Variants in COMMD1 observed in about 807,000 individuals in gnomAD.
COMMD1 encodes the protein copper metabolism domain containing 1, also known as COMM domain-containing protein 1.
Under a neutral mutation model 17.2 loss-of-function variants are expected in COMMD1, and 10 were observed. The ratio of observed to expected loss-of-function variants is 0.58; its 90% confidence interval spans 0.36 to 0.99. The LOEUF is 0.99. Among genes scored for constraint, COMMD1 ranks in the 50% least tolerant of loss-of-function variants. The pLI is 0.01. For synonymous variants in COMMD1, 97 were observed against 91.6 expected (o/e 1.06, Z -0.34); for missense variants, 270 against 231.8 (o/e 1.17, Z -1.07).
intron 2 of COMMD1, among the ~76,000 whole-genome samples, chr2:62,047,494 C>T (rs765441868): frequency 1.3e-4 from 19 of 150,410 alleles, no homozygotes; most frequent in Non-Finnish European, 2.7e-4. Context: ...GAGACGGAGT[C>T]TTTAGGCTGG....
chr2:62,017,196 T>G lies in COMMD1; in HGVS notation c.462+16214T>G, dbSNP rs183671244. On this transcript the variant is annotated intron_variant, in intron 2 of 2. Transcript: ENST00000311832. ...ATAACAGAGGAAATATATCTGAATT[T>G]TAATGAGCCATTTTATAGTCTTGTG... 8.5e-5 allele frequency among the ~76,000 whole-genome samples: 13 copies of G among 152,326 alleles called. No individual in the cohort carries two copies. In the East Asian group the frequency reaches 2.5e-3, roughly 29 times the overall value.
At chr2:61,893,539 C>T (rs1558512631) in intron 1 of COMMD1, among the ~76,000 whole-genome samples, 2 of 149,728 alleles carry the variant, frequency 1.3e-5, no homozygotes, top group East Asian at 1.9e-4. Context: ...ACAGGCCGGG[C>T]GCCTTGGCTC....
At chr2:62,071,563 C>G (rs1297713758) in intron 2 of COMMD1, among the ~76,000 whole-genome samples, 1 of 152,132 alleles carries the variant, frequency 6.6e-6, no homozygotes, top group Non-Finnish European at 1.5e-5. Flanking sequence ...TCAAATGCCT[C>G]TGACATATGG....
intron 2 of COMMD1, among the ~76,000 whole-genome samples, chr2:62,075,198 T>C (rs1252242948): frequency 2.0e-5 from 3 of 152,124 alleles, no homozygotes; most frequent in Admixed American, 6.6e-5. Context: ...CTGGTGCACA[T>C]GTTTTTTAAA....
At chr2:62,016,332 C>G (rs1417770809) in intron 2 of COMMD1, among the ~76,000 whole-genome samples, 3 of 151,396 alleles carry the variant, frequency 2.0e-5, no homozygotes, top group Non-Finnish European at 4.4e-5. Flanking sequence ...CCTCAGCCAC[C>G]TGAGTAGCTG....
intron 2 of COMMD1, among the ~76,000 whole-genome samples, chr2:62,101,877 G>A (rs1204408958): frequency 6.6e-6 from 1 of 152,132 alleles, no homozygotes; most frequent in African/African-American, 2.4e-5. Context: ...TATGGTGTCT[G>A]TCTCATGTAG....
At chr2:61,912,900 A>G (rs754804692) in intron 1 of COMMD1, among the ~76,000 whole-genome samples, 1 of 152,176 alleles carries the variant, frequency 6.6e-6, no homozygotes, top group Non-Finnish European at 1.5e-5. Context: ...TTACAGAAAA[A>G]GTTTGCTGAC....
intron 1 of COMMD1, among the ~76,000 whole-genome samples, chr2:61,962,300 G>A (rs576446960): frequency 1.3e-5 from 2 of 152,280 alleles, no homozygotes; most frequent in African/African-American, 4.8e-5. Context: ...GTTGGCCTTT[G>A]CCCCTGGTTC....
At chr2:61,995,476 C>CT (rs1282036052) in intron 1 of COMMD1, among the ~76,000 whole-genome samples, 1 of 152,208 alleles carries the variant, frequency 6.6e-6, no homozygotes, top group East Asian at 1.9e-4. Flanking sequence ...GTCATCTAAA[C>CT]TTTAAGTAAA....
chr2:62,131,352 G>C (rs1673029738), intron 2 of COMMD1, among the ~76,000 whole-genome samples: 1 of 152,090 alleles, frequency 6.6e-6, no homozygotes, highest in Non-Finnish European at 1.5e-5. Flanking sequence ...TCTTGACTCA[G>C]ATACTTAAAT....
intron 2 of COMMD1, among the ~76,000 whole-genome samples, chr2:62,048,257 A>G (rs1490818036): frequency 6.9e-6 from 1 of 144,918 alleles, no homozygotes; most frequent in Non-Finnish European, 1.5e-5. Flanking sequence ...ATCTCGGCTC[A>G]CTGCAACCTC....
chr2:62,129,371 G>A (rs565496016), intron 2 of COMMD1, among the ~76,000 whole-genome samples: 1 of 152,300 alleles, frequency 6.6e-6, no homozygotes, highest in South Asian at 2.1e-4. Context: ...GGAAGATAAT[G>A]AATAGGAAAG....
intron 2 of COMMD1, among the ~76,000 whole-genome samples, chr2:62,006,562 A>G (rs1669128346): frequency 6.6e-6 from 1 of 152,168 alleles, no homozygotes; most frequent in Non-Finnish European, 1.5e-5. Context: ...AACAGAAGTA[A>G]AAATTTTGCA....
At chr2:61,960,793 T>G (rs1336607564) in intron 1 of COMMD1, among the ~76,000 whole-genome samples, 1 of 152,198 alleles carries the variant, frequency 6.6e-6, no homozygotes, top group Non-Finnish European at 1.5e-5. Flanking sequence ...CTGGAGGTTC[T>G]TTGCACTCGT....
At chr2:61,907,470 G>T (rs1669801812) in intron 1 of COMMD1, among the ~76,000 whole-genome samples, 1 of 152,122 alleles carries the variant, frequency 6.6e-6, no homozygotes, top group African/African-American at 2.4e-5. Flanking sequence ...TAGAAAATTT[G>T]ACATCTGGGT....
chr2:61,981,753 T>C (rs1671959948), intron 1 of COMMD1, among the ~76,000 whole-genome samples: 1 of 152,160 alleles, frequency 6.6e-6, no homozygotes, highest in Non-Finnish European at 1.5e-5. Flanking sequence ...ATGAGATGTA[T>C]TCACTATTAC....
At chr2:61,952,523 C>G (rs1002227904) in intron 1 of COMMD1, among the ~76,000 whole-genome samples, 2 of 152,098 alleles carry the variant, frequency 1.3e-5, no homozygotes, top group African/African-American at 4.8e-5. Context: ...TGTGGCCCCA[C>G]CCAGAGGCAG....
intron 1 of COMMD1, among the ~76,000 whole-genome samples, chr2:61,951,037 G>T (rs911574381): frequency 6.6e-6 from 1 of 152,184 alleles, no homozygotes; most frequent in South Asian, 2.1e-4. Flanking sequence ...AGATGGTTCT[G>T]TTGGCCTTTT....
intron 1 of COMMD1, among the ~76,000 whole-genome samples, chr2:61,932,124 T>C (rs1208794696): frequency 6.6e-6 from 1 of 152,234 alleles, no homozygotes; most frequent in Non-Finnish European, 1.5e-5. Context: ...CCTCCCAAAG[T>C]GCTGGGATTA....
Sources: gnomAD v4.1 joint callset for allele counts (sites outside exome capture counted in the v4.1 genomes callset) on GRCh38, gnomAD v4.1.1 for gene constraint, MANE v1.5 for transcripts, NCBI Gene and HGNC (gene_info 2026-07-23, HGNC 2026-07-21) for gene names.